The following RMDN2 variants were observed in gnomAD, a reference collection of about 807,000 sequenced individuals.
The protein encoded by RMDN2 is regulator of microtubule dynamics 2, also known as regulator of microtubule dynamics protein 2.
RMDN2 carries 61 observed loss-of-function variants against 52.8 expected under a neutral mutation model. The ratio of observed to expected loss-of-function variants is 1.16; its 90% CI spans 0.94 to 1.43. The LOEUF is 1.43. RMDN2 is among the 40% of genes most tolerant of loss of function. The probability of loss-of-function intolerance (pLI) is 0.00; values close to 1 mark genes in which losing one functional copy is unlikely to be tolerated. For missense variants in RMDN2, 592 were observed against 475.3 expected, an observed-to-expected ratio of 1.25 and a Z score of -2.28; for synonymous variants, 180 against 153.1, an observed-to-expected ratio of 1.18 and a Z score of -1.30.
In RMDN2 at chr2:37,949,153, A is replaced by G. The variant is rs17021764; in HGVS notation, c.452+19424A>G. ...GAAAATGTAATAGATTGCTACAGAG[A>G]CAGACAGTCCTCCTTGGGCTTCTTG... On this transcript the variant is annotated intron_variant, in intron 2 of 10. Transcript: ENST00000354545. Among the ~76,000 whole-genome samples, 339 of 152,310 alleles carry G rather than the reference A, an allele frequency of 2.2e-3. 9 individuals are homozygous for G. In the East Asian group the frequency reaches 0.057, roughly 26 times the overall value.
intron 10 of RMDN2, among the ~76,000 whole-genome samples, chr2:38,059,964 C>A (rs1019372818): frequency 1.3e-5 from 2 of 152,092 alleles, no homozygotes; most frequent in Non-Finnish European, 2.9e-5. Context: ...GTGACTCGAT[C>A]TCGGCTCACT....
chr2:38,032,333 A>G (rs1680270035), intron 10 of RMDN2, among the ~76,000 whole-genome samples: 2 of 152,140 alleles, frequency 1.3e-5, no homozygotes, highest in South Asian at 4.1e-4. Context: ...ACAATACCAT[A>G]TTAATGGAAT....
At chr2:37,932,859 G>A (rs1177839596) in intron 2 of RMDN2, among the ~76,000 whole-genome samples, 9 of 128,006 alleles carry the variant, frequency 7.0e-5, no homozygotes, top group Non-Finnish European at 1.0e-4. Flanking sequence ...CTGGCCGGGC[G>A]GGAGGCTGAC....
At chr2:37,993,516 GAAA>G (rs1244801442) in intron 7 of RMDN2, among the ~76,000 whole-genome samples, 1 of 123,854 alleles carries the variant, frequency 8.1e-6, no homozygotes. Context: ...AGAACCTACA[GAAA>G]AAAAAAAAAA....
chr2:38,024,998 G>T (rs181660974), intron 10 of RMDN2, among the ~76,000 whole-genome samples: 63 of 152,182 alleles, frequency 4.1e-4, no homozygotes, highest in Non-Finnish European at 7.7e-4. Flanking sequence ...TGTTTGGACT[G>T]CTCTAGGTTA....
At position 38,044,552 on chromosome 2, in the gene RMDN2, T is replaced by C. The variant is rs1467877582; in HGVS notation, c.1714-22430T>C. ...TTCTATAATTGCCTCACAGTTGTTA[T>C]ATGTTCTGTTTGGGTTTTCTTTTTT... On this transcript the variant is annotated intron_variant, in intron 10 of 10. Coordinates refer to the RMDN2 transcript ENST00000234195. Among the ~76,000 whole-genome samples, 5 of 152,000 alleles carry C rather than the reference T, an allele frequency of 3.3e-5. No individual in the cohort carries two copies. The East Asian group carries it at 7.7e-4, about 23-fold the overall frequency.
Position 38,039,093 on chromosome 2 carries a change from C to CAG in RMDN2, c.1714-27879_1714-27878dup, listed in dbSNP as rs149752868. On this transcript the variant is annotated intron_variant, in intron 10 of 10. Coordinates refer to the RMDN2 transcript ENST00000234195. ...ACACACACACACACACACACACACA[C>CAG]AGAGAGAGAGATAAAATGTTCATGG... Among the ~76,000 whole-genome samples, 96 of 91,672 alleles carry CAG rather than the reference C, an allele frequency of 1.0e-3. 1 individual carries two copies. Among genetic ancestry groups the CAG allele is most frequent in the Middle Eastern group, 5.4e-3 (1 of 184 alleles). The allele number at this position is 91,672 out of a possible 152,430, so 60.1% of individuals were successfully genotyped here.
chr2:38,047,929 CA>C (rs1573230920), intron 10 of RMDN2, among the ~76,000 whole-genome samples: 1 of 152,094 alleles, frequency 6.6e-6, no homozygotes, highest in East Asian at 1.9e-4. Context: ...TTGTGGGAGA[CA>C]AAAATTTTGT....
chr2:38,014,314 A>G (rs915505160), intron 10 of RMDN2, among the ~76,000 whole-genome samples: 4 of 152,170 alleles, frequency 2.6e-5, no homozygotes, highest in African/African-American at 7.2e-5. Context: ...TCTGTTTACA[A>G]CCCGCTATTT....
At chr2:37,941,626 A>G (rs955724899) in intron 2 of RMDN2, among the ~76,000 whole-genome samples, 2 of 152,216 alleles carry the variant, frequency 1.3e-5, no homozygotes, top group Admixed American at 1.3e-4. Context: ...CAGTCTGGCT[A>G]TAGCTGCTTT....
chr2:37,958,623 CTTTA>C (rs1253301911), intron 2 of RMDN2, among the ~76,000 whole-genome samples: 1 of 150,778 alleles, frequency 6.6e-6, no homozygotes, highest in Admixed American at 6.6e-5. Context: ...TTTGAGTATG[CTTTA>C]TTTATTTATC....
intron 7 of RMDN2, among the ~76,000 whole-genome samples, chr2:37,994,729 A>G (rs1250980446): frequency 2.0e-4 from 31 of 152,166 alleles, no homozygotes; most frequent in East Asian, 1.9e-4. Context: ...AGCAATTGAA[A>G]CTCATATGTT....
intron 8 of RMDN2, chr2:37,998,135 G>A (rs1253883784): frequency 2.6e-5 from 4 of 152,086 alleles, no homozygotes. Context: ...ACTTCCTGTG[G>A]GGGTAATAAT....
intron 2 of RMDN2, chr2:37,950,654 C>T (rs751791505): frequency 8.2e-5 from 128 of 1,561,484 alleles, no homozygotes; most frequent in Non-Finnish European, 1.0e-4. Flanking sequence ...TATTCATAAA[C>T]GAAGCTTTAG....
intron 4 of RMDN2, among the ~76,000 whole-genome samples, chr2:37,977,810 G>A (rs547625695): frequency 4.2e-4 from 64 of 151,838 alleles, no homozygotes; most frequent in Non-Finnish European, 7.5e-4. Flanking sequence ...GATGATGGCC[G>A]GGAAGAGGCG....
At position 38,034,486 on chromosome 2, in the gene RMDN2, C is replaced by A. The variant is rs112658815; in HGVS notation, c.1713+30270C>A. Reference sequence around the variant, plus strand: ...CTTCCAGTGATTTATTCTTAGTTAACCAACCTTCAACCAACTGATAAGATA... The same window carrying A: ...CTTCCAGTGATTTATTCTTAGTTAAACAACCTTCAACCAACTGATAAGATA... On this transcript the variant is annotated intron_variant, in intron 10 of 10. Transcript: ENST00000234195. 1.2e-3 allele frequency among the ~76,000 whole-genome samples: 185 copies of A among 152,200 alleles called. 1 individual carries two copies. Among genetic ancestry groups the A allele is most frequent in the African/African-American group, 4.3e-3 (180 of 41,522 alleles).
intron 10 of RMDN2, among the ~76,000 whole-genome samples, chr2:38,034,014 G>C (rs1680404955): frequency 6.6e-6 from 1 of 152,212 alleles, no homozygotes; most frequent in Non-Finnish European, 1.5e-5. Flanking sequence ...TATCCCCCCA[G>C]CTAGCTTTTC....
At chr2:37,985,626 G>C (rs998333557) in intron 5 of RMDN2, among the ~76,000 whole-genome samples, 1 of 152,134 alleles carries the variant, frequency 6.6e-6, no homozygotes, top group Non-Finnish European at 1.5e-5. Context: ...AGTGTGTTCA[G>C]TAATTTTGTT....
rs566670180 is a variant in RMDN2 at position 38,026,466 on chromosome 2, C to T, written c.1713+22250C>T. Among the ~76,000 whole-genome samples, 20 of 152,124 alleles carry T rather than the reference C, an allele frequency of 1.3e-4. No homozygotes were observed. In the South Asian group the frequency reaches 4.2e-3, roughly 32 times the overall value. On this transcript the variant is annotated intron_variant, in intron 10 of 10. Coordinates refer to the RMDN2 transcript ENST00000234195. The stretch of plus-strand genomic sequence containing the variant: ...TGGGTTCATTGATTTTTCTCTTTTT[C>T]TATTTTCTATTTCATTGATTTCCAC...
Sources: allele counts gnomAD v4.1 joint callset (sites outside exome capture counted in the v4.1 genomes callset), GRCh38; gene constraint gnomAD v4.1.1; transcripts MANE v1.5; gene names NCBI Gene and HGNC (gene_info 2026-07-23, HGNC 2026-07-21).